Variants in USP12 observed in about 807,000 individuals in gnomAD.
USP12 encodes ubiquitin carboxyl-terminal hydrolase 12.
USP12 carries 19 observed loss-of-function variants against 45.5 expected under a neutral mutation model. The observed-to-expected ratio is 0.42, with a 90% CI of 0.29 to 0.61. USP12 has a LOEUF of 0.61. Among genes scored for constraint, USP12 ranks in the 20% least tolerant of loss-of-function variants. The pLI is 0.22. For missense variants in USP12, 242 were observed against 447.7 expected (o/e 0.54, Z 4.15); for synonymous variants, 149 against 148.8 (o/e 1.00, Z -0.01).
At position 27,086,174 on chromosome 13, in the gene USP12, TAAAAAA is replaced by T. The variant is rs138475761; in HGVS notation, c.734+3703_734+3708del. Among the ~76,000 whole-genome samples, 148 of 72,292 alleles carry T rather than the reference TAAAAAA, an allele frequency of 2.0e-3. 1 individual carries two copies. The highest frequency in any genetic ancestry group is 2.9e-3 in the African/African-American group (55 of 18,676). 47.4% of individuals were successfully genotyped at this position (72,292 alleles called of 152,430 possible). A position where few individuals can be genotyped will look rare whatever the true frequency, so the allele number is the denominator to read the frequency against. ...GACAGAGAGAGATCTTTTGTCTCTT[TAAAAAA>T]AAAAAAAAAAAAAAAAAATATATAT... On this transcript the variant is annotated intron_variant, in intron 6 of 8. Transcript: ENST00000282344.
At chr13:27,159,645 T>C (rs531351213) in intron 1 of USP12, among the ~76,000 whole-genome samples, 1 of 152,238 alleles carries the variant, frequency 6.6e-6, no homozygotes, top group African/African-American at 2.4e-5. Context: ...AAACTCAAAC[T>C]TTCCTACACC....
At chr13:27,098,278 T>A (rs116971831) in intron 3 of USP12, among the ~76,000 whole-genome samples, 6,772 of 151,686 alleles carry the variant, frequency 0.045, 174 homozygotes, top group Admixed American at 0.075. Flanking sequence ...TATGGCAAAG[T>A]CAACATAAAT....
At chr13:27,155,230 T>C (rs781135565) in intron 1 of USP12, among the ~76,000 whole-genome samples, 57 of 151,804 alleles carry the variant, frequency 3.8e-4, no homozygotes, top group East Asian at 1.4e-3. Flanking sequence ...TACAGGCGCG[T>C]GCCACCATGC....
At chr13:27,148,793 A>AACACACACACACACACACACACACACAC (rs1391040211) in intron 1 of USP12, among the ~76,000 whole-genome samples, 2 of 5,756 alleles carry the variant, frequency 3.5e-4, no homozygotes, top group Admixed American at 1.7e-3. Context: ...GAATCATCTT[A>AACACACACACACACACACACACACACAC]ATACACACAC....
chr13:27,090,173 A>T lies in USP12; in HGVS notation c.574-15T>A. ...TTGCTGCTTATCTGTAAAAACAGTGAATTGTCTTTGATTTTTTCAAATACT... is the reference window on the plus strand; with the variant it reads ...TTGCTGCTTATCTGTAAAAACAGTGTATTGTCTTTGATTTTTTCAAATACT... On this transcript the variant is annotated splice_polypyrimidine_tract_variant and intron_variant, in intron 4 of 8. Transcript: ENST00000282344. 6.4e-7 allele frequency: 1 copy of T among 1,564,606 alleles called. No homozygotes were observed.
intron 1 of USP12, among the ~76,000 whole-genome samples, chr13:27,155,492 A>C (rs1877794096): frequency 6.6e-6 from 1 of 152,200 alleles, no homozygotes; most frequent in African/African-American, 2.4e-5. Flanking sequence ...TCCATTTTAA[A>C]TATTACAAAT....
At chr13:27,084,307 A>T (rs1399589425) in intron 6 of USP12, among the ~76,000 whole-genome samples, 1 of 151,590 alleles carries the variant, frequency 6.6e-6, no homozygotes, top group Non-Finnish European at 1.5e-5. Flanking sequence ...AAAGATTGAG[A>T]CCATCCTGGC....
At chr13:27,168,607 T>G (rs1408309037) in intron 1 of USP12, among the ~76,000 whole-genome samples, 2 of 152,322 alleles carry the variant, frequency 1.3e-5, no homozygotes, top group Non-Finnish European at 2.9e-5. Context: ...TATGTGATAC[T>G]GAAAATGTAT....
At chr13:27,101,202 G>A (rs1874848349) in intron 3 of USP12, among the ~76,000 whole-genome samples, 2 of 152,134 alleles carry the variant, frequency 1.3e-5, no homozygotes, top group Admixed American at 6.5e-5. Context: ...TTTCCTTAGA[G>A]TATACTGAAT....
At chr13:27,093,099 C>T (rs939839815) in intron 4 of USP12, among the ~76,000 whole-genome samples, 1 of 151,296 alleles carries the variant, frequency 6.6e-6, no homozygotes, top group Admixed American at 6.6e-5. Context: ...GGGAGGCTGA[C>T]ACAAGAGAAC....
chr13:27,116,924 C>G (rs181574273), intron 1 of USP12, among the ~76,000 whole-genome samples: 1 of 152,142 alleles, frequency 6.6e-6, no homozygotes, highest in African/African-American at 2.4e-5. Context: ...TAAGAACGCT[C>G]TGATGTTCGC....
intron 1 of USP12, among the ~76,000 whole-genome samples, chr13:27,125,517 G>T (rs1311998831): frequency 6.6e-6 from 1 of 152,186 alleles, no homozygotes; most frequent in Non-Finnish European, 1.5e-5. Context: ...AACAGCTCCG[G>T]TCTACAGCTC....
intron 1 of USP12, among the ~76,000 whole-genome samples, chr13:27,147,668 G>A (rs1877367722): frequency 1.3e-5 from 2 of 152,160 alleles, no homozygotes; most frequent in South Asian, 4.2e-4. Context: ...TCACTTATAA[G>A]GGAAACTCCA....
Position 27,071,054 on chromosome 13 carries a change from A to G in USP12, c.1011+17T>C, listed in dbSNP as rs1873226498. The G allele has an allele frequency of 1.3e-6, 2 of 1,588,964 alleles. No individual in the cohort carries two copies. Among genetic ancestry groups the G allele is most frequent in the Non-Finnish European group, 1.7e-6 (2 of 1,171,888 alleles). ...TGCATACAACTTTCAAAAATAAGAA[A>G]TTAAGAAACTACTTACTTCTACAAT... On this transcript the variant is annotated intron_variant, in intron 8 of 8. Coordinates refer to ENST00000282344, the MANE Select transcript of USP12 (RefSeq NM_182488.4).
Position 27,089,931 on chromosome 13 carries a change from T to C in USP12, c.686A>G (p.Tyr229Cys), listed in dbSNP as rs1243837537. The C allele has an allele frequency of 4.3e-6, 7 of 1,611,558 alleles. No individual in the cohort carries two copies. Among genetic ancestry groups the C allele is most frequent in the African/African-American group, 1.3e-5 (1 of 74,904 alleles). ...FSNTETLCSE[Y>C]KYYCEECRSK... is the part of the protein sequence containing the mutation. Reference sequence around the variant, plus strand: ...GCGACACTCTTCACAGTAATACTTGTATTCACTGCACAGAGTTTCTGTGTT... The same window carrying C: ...GCGACACTCTTCACAGTAATACTTGCATTCACTGCACAGAGTTTCTGTGTT... The change falls in exon 6 of 9, where the codon TAC (tyrosine) becomes TGC (cysteine). Residue 229 changes from tyrosine to cysteine, a missense_variant. By Grantham distance (194) the Tyr-to-Cys change is radical. Around this residue, in one of 5 missense-constraint regions of USP12, gnomAD observed 12 missense variants for 71.0 expected, o/e 0.17. Transcript: ENST00000282344.
chr13:27,164,264 A>C (rs868507121), intron 1 of USP12, among the ~76,000 whole-genome samples: 1 of 152,334 alleles, frequency 6.6e-6, no homozygotes, highest in African/African-American at 2.4e-5. Context: ...GAAGCATTTC[A>C]GTTAAGAACA....
intron 1 of USP12, among the ~76,000 whole-genome samples, chr13:27,156,749 G>C (rs1458512263): frequency 6.6e-6 from 1 of 152,186 alleles, no homozygotes; most frequent in Non-Finnish European, 1.5e-5. Context: ...TTGAACCTGG[G>C]AGGTGGAGGT....
chr13:27,131,922 T>C (rs1006225079), intron 1 of USP12, among the ~76,000 whole-genome samples: 2 of 152,088 alleles, frequency 1.3e-5, no homozygotes, highest in African/African-American at 4.8e-5. Context: ...AGAAGAGAAA[T>C]TGACACACAC....
chr13:27,136,219 T>C (rs1159849506), intron 1 of USP12, among the ~76,000 whole-genome samples: 1 of 152,184 alleles, frequency 6.6e-6, no homozygotes, highest in Non-Finnish European at 1.5e-5. Context: ...ATAAAGACCC[T>C]TGGCGGGGCG....
Sources: allele counts gnomAD v4.1 joint callset (sites outside exome capture counted in the v4.1 genomes callset), GRCh38; gene constraint gnomAD v4.1.1; regional missense constraint gnomAD v4.1.1; transcripts MANE v1.5; gene names NCBI Gene and HGNC (gene_info 2026-07-23, HGNC 2026-07-21).